The following SOX6 variants were observed in gnomAD, a reference collection of about 807,000 sequenced individuals.
SOX6 encodes transcription factor SOX-6.
SOX6 carries 11 observed loss-of-function variants against 97.8 expected under a neutral mutation model. The observed-to-expected ratio is 0.11, with a 90% CI of 0.07 to 0.19. The LOEUF (loss-of-function observed/expected upper bound fraction) is 0.19, where lower values mean the gene tolerates loss of function less well. SOX6 is among the 10% of genes least tolerant of loss of function. The pLI is 1.00. For synonymous variants in SOX6, 360 were observed against 371.4 expected, an observed-to-expected ratio of 0.97 and a Z score of 0.35; for missense variants, 810 against 1,039.5, an observed-to-expected ratio of 0.78 and a Z score of 3.04.
chr11:16,165,223 A>G (rs1850855977), intron 6 of SOX6, among the ~76,000 whole-genome samples: 1 of 152,228 alleles, frequency 6.6e-6, no homozygotes, highest in Non-Finnish European at 1.5e-5. Context: ...TACTTAATCT[A>G]TGATCAGTCA....
At chr11:16,448,606 A>G (rs1164888805) in intron 1 of SOX6, among the ~76,000 whole-genome samples, 2 of 152,216 alleles carry the variant, frequency 1.3e-5, no homozygotes, top group Non-Finnish European at 2.9e-5. Context: ...TAATAGATAT[A>G]ATGTAATTAA....
At chr11:16,288,180 C>A (rs1001835552) in intron 3 of SOX6, among the ~76,000 whole-genome samples, 5 of 152,042 alleles carry the variant, frequency 3.3e-5, no homozygotes, top group African/African-American at 4.8e-5. Flanking sequence ...CTGGAAATAA[C>A]CCCGATTCAG....
At chr11:16,228,282 T>C (rs941478347) in intron 4 of SOX6, among the ~76,000 whole-genome samples, 3 of 152,190 alleles carry the variant, frequency 2.0e-5, no homozygotes, top group Admixed American at 6.6e-5. Flanking sequence ...AACATTTTAT[T>C]CTGTATTTCA....
intron 4 of SOX6, among the ~76,000 whole-genome samples, chr11:16,531,183 A>G (rs1014421927): frequency 4.0e-5 from 6 of 150,828 alleles, no homozygotes; most frequent in Non-Finnish European, 8.9e-5. Flanking sequence ...GAAAGAGAGA[A>G]AGGAAAAAAT....
intron 3 of SOX6, among the ~76,000 whole-genome samples, chr11:16,696,553 G>C (rs1411511426): frequency 1.3e-5 from 2 of 151,948 alleles, no homozygotes; most frequent in Non-Finnish European, 2.9e-5. Flanking sequence ...TTTGCTTTTT[G>C]TTTCTGAATG....
intron 1 of SOX6, among the ~76,000 whole-genome samples, chr11:16,438,013 T>A (rs10832606): frequency 6.6e-6 from 1 of 151,814 alleles, no homozygotes; most frequent in Admixed American, 6.6e-5. Flanking sequence ...GTATAATGAG[T>A]AAATTTGATG....
At chr11:16,244,305 A>G (rs1224470460) in intron 3 of SOX6, among the ~76,000 whole-genome samples, 3 of 151,848 alleles carry the variant, frequency 2.0e-5, no homozygotes, top group African/African-American at 7.2e-5. Flanking sequence ...GACCATTCAT[A>G]TATATTTTGC....
At chr11:16,727,132 C>T (rs919658600) in intron 2 of SOX6, among the ~76,000 whole-genome samples, 3 of 148,230 alleles carry the variant, frequency 2.0e-5, no homozygotes, top group African/African-American at 8.0e-5. Flanking sequence ...ACCTAACCCC[C>T]ATCTACCACT....
rs948254571 is a variant in SOX6 at position 16,655,827 on chromosome 11, T to G, written n.430-43567A>C. Among the ~76,000 whole-genome samples the G allele has an allele frequency of 4.6e-5, 7 of 152,156 alleles. No individual in the cohort carries two copies. In the South Asian group the frequency reaches 1.5e-3, roughly 32 times the overall value. ...CCTCGATTATGCCTAGTAAAGAACT[T>G]TTTTCTGGCCAGGCGTGGTGGCATA... On this transcript the variant is annotated intron_variant and non_coding_transcript_variant, in intron 3 of 5. Transcript: ENST00000524520.
chr11:16,333,134 C>A (rs974158685), intron 2 of SOX6, among the ~76,000 whole-genome samples: 1 of 152,050 alleles, frequency 6.6e-6, no homozygotes, highest in Non-Finnish European at 1.5e-5. Context: ...GAAAGCAACC[C>A]TTTCCAAATT....
At chr11:16,281,344 G>A (rs1016215898) in intron 3 of SOX6, among the ~76,000 whole-genome samples, 1 of 151,994 alleles carries the variant, frequency 6.6e-6, no homozygotes, top group Admixed American at 6.6e-5. Flanking sequence ...AAAATGCTAT[G>A]TCAAAGAAGT....
upstream of SOX6, among the ~76,000 whole-genome samples, chr11:16,359,580 G>T (rs1005011403): frequency 6.6e-6 from 1 of 151,982 alleles, no homozygotes; most frequent in Non-Finnish European, 1.5e-5. Context: ...TTCTTATCTT[G>T]TCCTTGGTGT....
intron 4 of SOX6, among the ~76,000 whole-genome samples, chr11:16,489,497 T>A (rs548037407): frequency 6.6e-6 from 1 of 152,276 alleles, no homozygotes; most frequent in Admixed American, 6.5e-5. Flanking sequence ...ATGTATCTAC[T>A]GTATTATATA....
intron 2 of SOX6, among the ~76,000 whole-genome samples, chr11:16,724,134 T>A (rs144147095): frequency 7.9e-5 from 12 of 152,208 alleles, no homozygotes; most frequent in Admixed American, 1.3e-4. Context: ...TTTTAGACTG[T>A]TGTCTTGAAA....
intron 3 of SOX6, among the ~76,000 whole-genome samples, chr11:16,710,096 T>C (rs1025354709): frequency 2.6e-5 from 4 of 152,224 alleles, no homozygotes; most frequent in Admixed American, 6.5e-5. Context: ...ATAAAATGCA[T>C]TATAATTTTT....
chr11:16,456,717 T>G (rs543607997), intron 1 of SOX6, among the ~76,000 whole-genome samples: 1 of 152,176 alleles, frequency 6.6e-6, no homozygotes, highest in East Asian at 1.9e-4. Context: ...ATGACAATGG[T>G]TTATCGATGT....
At chr11:16,679,657 A>C (rs1461833026) in intron 3 of SOX6, among the ~76,000 whole-genome samples, 1 of 152,222 alleles carries the variant, frequency 6.6e-6, no homozygotes, top group African/African-American at 2.4e-5. Flanking sequence ...GGTTGGTAAT[A>C]ACAAACTTCT....
Position 16,098,375 on chromosome 11 carries a change from C to T in SOX6, c.899-687G>A, listed in dbSNP as rs144130910. On this transcript the variant is annotated intron_variant, in intron 7 of 15. Coordinates refer to ENST00000683767, the MANE Select transcript of SOX6 (RefSeq NM_001367873.1). The stretch of plus-strand genomic sequence containing the variant: ...TAATGATGCTTTGATTAAATAAATG[C>T]GCATTTTACATGGAATATCTGTACT... Among the ~76,000 whole-genome samples the T allele has an allele frequency of 5.9e-4, 89 of 151,838 alleles. 2 individuals are homozygous for T. In the East Asian group the frequency reaches 0.015, roughly 26 times the overall value.
intron 4 of SOX6, among the ~76,000 whole-genome samples, chr11:16,195,328 T>C (rs113150176): frequency 0.03 from 4,568 of 152,162 alleles, 92 homozygotes; most frequent in Middle Eastern, 0.14. Flanking sequence ...TCCAAGCGAG[T>C]CTAGAGTCTA....
Sources: allele counts gnomAD v4.1 joint callset (sites outside exome capture counted in the v4.1 genomes callset), GRCh38; gene constraint gnomAD v4.1.1; transcripts MANE v1.5; gene names NCBI Gene and HGNC (gene_info 2026-07-23, HGNC 2026-07-21).